The following ZNF469 variants were observed in gnomAD, a reference collection of about 807,000 sequenced individuals.
ZNF469 encodes the protein zinc finger protein 469.
ZNF469 carries 1 observed loss-of-function variant against 1.0 expected under a neutral mutation model. That is an observed-to-expected ratio of 1.00 (90% confidence interval 0.35 to 4.73). ZNF469 has a LOEUF of 4.73. Ranked by LOEUF, ZNF469 falls within the 30% of genes most tolerant of loss-of-function variation. The pLI is 0.16. For missense variants in ZNF469, 6,100 were observed against 5,356.3 expected (o/e 1.14, Z -4.33); for synonymous variants, 2,703 against 2,363.4 (o/e 1.14, Z -4.17).
In ZNF469 at chr16:88,428,093, C is replaced by T. The variant is rs549255859; in HGVS notation, c.623C>T (p.Pro208Leu). ...AGCGCCACCCCCAGGCCCCCAGCCC[C>T]GGGGCCCCCCCAGAGCAGGGGCACC... ...SPSATPRPPA[P>L]GPPQSRGTSP... Residue 208 changes from proline to leucine, a missense_variant, in exon 3 of 3, where the codon CCG (proline) becomes CTG (leucine). Pro to Leu is a moderately conservative substitution (Grantham distance 98). Coordinates refer to ENST00000565624, the MANE Select transcript of ZNF469 (RefSeq NM_001367624.2). 5.1e-5 allele frequency: 79 copies of T among 1,549,942 alleles called. No homozygotes were observed. In the East Asian group the frequency reaches 1.0e-3, roughly 20 times the overall value.
chr16:88,204,064 C>A, the ZNF469 span, among the ~76,000 whole-genome samples: 1 of 144,622 alleles, frequency 6.9e-6, no homozygotes. Context: ...CATAGAGCAG[C>A]GGGAGGTGCC....
At chr16:88,266,284 G>A in the ZNF469 span, among the ~76,000 whole-genome samples, 1 of 152,252 alleles carries the variant, frequency 6.6e-6, no homozygotes, top group Non-Finnish European at 1.5e-5. Flanking sequence ...TGGGGCCACT[G>A]GGAGGCCAGG....
chr16:88,309,499 C>T, the ZNF469 span, among the ~76,000 whole-genome samples: 225 of 139,054 alleles, frequency 1.6e-3, 3 homozygotes, highest in African/African-American at 5.2e-3. Flanking sequence ...GGACACCTGA[C>T]GGGGGGAGTG....
upstream of ZNF469, among the ~76,000 whole-genome samples, chr16:88,377,959 G>A (rs909955568): frequency 1.3e-4 from 20 of 152,250 alleles, no homozygotes; most frequent in Non-Finnish European, 2.2e-4. Context: ...TCACCACAGC[G>A]TGAGAGGAAG....
At chr16:88,377,387 C>T in the ZNF469 span, among the ~76,000 whole-genome samples, 12 of 152,346 alleles carry the variant, frequency 7.9e-5, no homozygotes, top group South Asian at 2.1e-4. Flanking sequence ...CATGGCAGCA[C>T]GTGAATGTGT....
the ZNF469 span, among the ~76,000 whole-genome samples, chr16:88,297,223 G>A: frequency 1.1e-3 from 170 of 152,318 alleles, no homozygotes; most frequent in African/African-American, 3.9e-3. Context: ...CGGGGCAGGC[G>A]TCTGAGTGGT....
At chr16:88,293,612 G>A in the ZNF469 span, among the ~76,000 whole-genome samples, 1 of 152,176 alleles carries the variant, frequency 6.6e-6, no homozygotes, top group South Asian at 2.1e-4. Context: ...CCCACCTGAA[G>A]GGGTCTGTAC....
At chr16:88,379,680 T>C (rs74434011), upstream of ZNF469, among the ~76,000 whole-genome samples, 2,205 of 152,184 alleles carry the variant, frequency 0.014, 29 homozygotes, top group East Asian at 0.066. Flanking sequence ...ATGCCAGAGG[T>C]AGCTCCCAGT....
chr16:88,145,812 C>A, the ZNF469 span, among the ~76,000 whole-genome samples: 4 of 152,226 alleles, frequency 2.6e-5, no homozygotes, highest in Non-Finnish European at 4.4e-5. Context: ...ACGGGCTCCC[C>A]CTGCCGCTGG....
chr16:88,181,080 T>C, the ZNF469 span, among the ~76,000 whole-genome samples: 1 of 151,896 alleles, frequency 6.6e-6, no homozygotes, highest in Admixed American at 6.6e-5. Context: ...ACACTTTTTT[T>C]TTTTTTTTTT....
chr16:88,200,561 G>A, the ZNF469 span, among the ~76,000 whole-genome samples: 5 of 152,226 alleles, frequency 3.3e-5, no homozygotes, highest in South Asian at 2.1e-4. Flanking sequence ...AAGGCGCCAC[G>A]CCATCGGCCC....
chr16:88,123,906 C>T, the ZNF469 span, among the ~76,000 whole-genome samples: 4 of 152,272 alleles, frequency 2.6e-5, no homozygotes, highest in African/African-American at 7.2e-5. Flanking sequence ...CAGGTTCAAG[C>T]GATTCTCCTG....
chr16:88,334,014 G>A, the ZNF469 span, among the ~76,000 whole-genome samples: 1 of 151,614 alleles, frequency 6.6e-6, no homozygotes, highest in Non-Finnish European at 1.5e-5. Context: ...ATGTGTTTGT[G>A]TGTGTGTGTC....
In ZNF469 at chr16:88,430,857, T is replaced by A. The variant is rs1245773633; in HGVS notation, c.3387T>A (p.Gly1129=). 6.5e-7 allele frequency: 1 copy of A among 1,535,054 alleles called. No homozygotes were observed. Among genetic ancestry groups the A allele is most frequent in the Non-Finnish European group, 8.7e-7 (1 of 1,145,678 alleles). Residue 1129 remains glycine (G), a synonymous_variant, in exon 3 of 3, where the codon GGT becomes GGA. Coordinates refer to ENST00000565624, the MANE Select transcript of ZNF469 (RefSeq NM_001367624.2). ...EKRKEVELTQ[G]PREDEPQKPR... is the part of the protein sequence containing the mutation. ...GGAAGGAAGTGGAGCTGACCCAGGG[T>A]CCCAGAGAGGATGAGCCACAGAAAC...
the ZNF469 span, among the ~76,000 whole-genome samples, chr16:88,289,206 G>A: frequency 7.2e-6 from 1 of 138,774 alleles, no homozygotes; most frequent in Non-Finnish European, 1.5e-5. Context: ...TGATGATGGT[G>A]ATGGTGGTGA....
At chr16:88,225,001 G>A in the ZNF469 span, among the ~76,000 whole-genome samples, 4 of 152,156 alleles carry the variant, frequency 2.6e-5, no homozygotes, top group Admixed American at 6.5e-5. Context: ...CCTAACCTCC[G>A]CCTCTGACCA....
chr16:88,161,437 A>G, the ZNF469 span, among the ~76,000 whole-genome samples: 1 of 152,218 alleles, frequency 6.6e-6, no homozygotes, highest in African/African-American at 2.4e-5. Context: ...CAGGAGGTGC[A>G]GAGTGACTAG....
the ZNF469 span, among the ~76,000 whole-genome samples, chr16:88,269,794 C>T: frequency 3.9e-5 from 6 of 152,194 alleles, no homozygotes; most frequent in African/African-American, 1.4e-4. Flanking sequence ...TGAGTTACAA[C>T]CTCAGTGGCT....
chr16:88,378,237 G>A (rs117815130), upstream of ZNF469, among the ~76,000 whole-genome samples: 1,341 of 152,242 alleles, frequency 8.8e-3, 8 homozygotes, highest in Non-Finnish European at 0.016. Context: ...CACACACGGC[G>A]GGCAGGGAGC....
Sources: gnomAD v4.1 joint callset for allele counts (sites outside exome capture counted in the v4.1 genomes callset) on GRCh38, gnomAD v4.1.1 for gene constraint, MANE v1.5 for transcripts, NCBI Gene and HGNC (gene_info 2026-07-23, HGNC 2026-07-21) for gene names.